TMED2: variants seen among roughly 807,000 people sequenced by gnomAD.
TMED2 encodes the protein transmembrane p24 trafficking protein 2, also known as transmembrane emp24 domain-containing protein 2.
A neutral mutation model predicts 17.5 loss-of-function variants in TMED2; 3 were observed. That is an observed-to-expected ratio of 0.17 (90% CI 0.08 to 0.44). The LOEUF (loss-of-function observed/expected upper bound fraction) is 0.44. Ranked by LOEUF, TMED2 falls within the 20% of genes least tolerant of loss-of-function variation. TMED2 has a pLI of 0.99. For synonymous variants in TMED2, 95 were observed against 91.0 expected, an observed-to-expected ratio of 1.04 and a Z score of -0.25; for missense variants, 149 against 254.8, an observed-to-expected ratio of 0.58 and a Z score of 2.83.
At chr12:123,591,657 C>T (rs967021206) in intron 3 of TMED2, among the ~76,000 whole-genome samples, 3 of 152,196 alleles carry the variant, frequency 2.0e-5, no homozygotes, top group Non-Finnish European at 4.4e-5. Flanking sequence ...TGGCACGCGC[C>T]TGTAGTCCCA....
At chr12:123,590,797 A>G (rs1362284544) in intron 3 of TMED2, among the ~76,000 whole-genome samples, 6 of 152,086 alleles carry the variant, frequency 3.9e-5, no homozygotes, top group Admixed American at 3.3e-4. Flanking sequence ...CAGCCTGGCC[A>G]ACATGGTGAA....
At chr12:123,586,690 A>G (rs1953348443) in intron 1 of TMED2, 57 bp from the exon 2 acceptor site, 1 of 1,439,796 alleles carries the variant, frequency 6.9e-7, no homozygotes, top group Non-Finnish European at 9.4e-7. Context: ...GACATTACTT[A>G]TAAAGTCTAT....
chr12:123,586,873 C>G lies in TMED2; in HGVS notation c.307C>G (p.Pro103Ala). The G allele has an allele frequency of 6.2e-7, 1 of 1,613,448 alleles. No homozygotes were observed. Among genetic ancestry groups the G allele is most frequent in the Non-Finnish European group, 8.5e-7 (1 of 1,179,768 alleles). The change falls in exon 2 of 4, where the codon CCA becomes GCA. Residue 103 changes from proline to alanine, a missense_variant. Transcript: ENST00000262225. ...CFSNRMSTMT[P>A]KIVMFTIDIG... ...TAGTAACCGGATGTCCACCATGACT[C>G]CAAAAATAGTGATGTTCACCATTGA...
chr12:123,584,862 C>T (rs377094971), intron 1 of TMED2, 46 bp downstream of exon 1: 40 of 1,594,476 alleles, frequency 2.5e-5, no homozygotes, highest in Non-Finnish European at 3.2e-5. Context: ...CGTGGCCACT[C>T]GGGGATTGGT....
chr12:123,591,020 T>C (rs1358508762), intron 3 of TMED2, among the ~76,000 whole-genome samples: 2 of 151,220 alleles, frequency 1.3e-5, no homozygotes, highest in Non-Finnish European at 2.9e-5. Context: ...TTTTTAAAAA[T>C]GTATGGTGAG....
At chr12:123,585,109 C>T in intron 1 of TMED2, 1 of 348,406 alleles carries the variant, frequency 2.9e-6, no homozygotes, top group Non-Finnish European at 5.4e-6. Context: ...TCTCGCTGAG[C>T]TTTGTGAATC....
At chr12:123,586,691 T>A in intron 1 of TMED2, 56 bp from the exon 2 acceptor site, 1 of 1,497,366 alleles carries the variant, frequency 6.7e-7, no homozygotes, top group Non-Finnish European at 9.0e-7. Context: ...ACATTACTTA[T>A]AAAGTCTATG....
At chr12:123,584,889 G>A in intron 1 of TMED2, 73 bp downstream of exon 1, 1 of 1,567,904 alleles carries the variant, frequency 6.4e-7, no homozygotes, top group Non-Finnish European at 8.6e-7. Flanking sequence ...TGGGACCGGC[G>A]CGGGGCCTGT....
At position 123,596,587 on chromosome 12, in the gene TMED2, T is replaced by C; in HGVS notation, c.482-18T>C. On this transcript the variant is annotated intron_variant, in intron 3 of 3. Coordinates refer to ENST00000262225, the MANE Select transcript of TMED2 (RefSeq NM_006815.4). ...GGGAGAATTGTTAAATTTTGTTTGT[T>C]TGTTTTGTCCTCAACAGTCAACGAC... The C allele has an allele frequency of 6.3e-7, 1 of 1,580,548 alleles. No homozygotes were observed. The highest frequency in any genetic ancestry group is 8.6e-7 in the Non-Finnish European group (1 of 1,168,612).
rs911231335 is a variant in TMED2 at position 123,598,313 on chromosome 12, T to C, written c.*1584T>C. The stretch of plus-strand genomic sequence containing the variant: ...GTGAATGGTACCAAGTTTTAGTTTC[T>C]GCGTAGGTTTTCCAGTGTGGCTTCT... On this transcript the variant is annotated 3_prime_UTR_variant, in exon 4 of 4. Transcript: ENST00000262225. 1 of 152,228 alleles carries C rather than the reference T, an allele frequency of 6.6e-6. No homozygotes were observed. Among genetic ancestry groups the C allele is most frequent in the Non-Finnish European group, 1.5e-5 (1 of 68,048 alleles). The allele number at this position is 152,228 out of a possible 1,614,324, so 9.4% of individuals were successfully genotyped here.
At chr12:123,589,355 C>T (rs1953374711) in intron 2 of TMED2, among the ~76,000 whole-genome samples, 1 of 152,214 alleles carries the variant, frequency 6.6e-6, no homozygotes, top group African/African-American at 2.4e-5. Flanking sequence ...TTTGGTGCTG[C>T]TCCTGCTTCT....
chr12:123,590,086 C>T (rs574430389), intron 2 of TMED2, among the ~76,000 whole-genome samples: 1 of 151,812 alleles, frequency 6.6e-6, no homozygotes, highest in African/African-American at 2.4e-5. Context: ...AGTTCAAGAC[C>T]AGCCTGACCA....
At chr12:123,591,002 A>AT (rs1226702584) in intron 3 of TMED2, among the ~76,000 whole-genome samples, 1 of 151,830 alleles carries the variant, frequency 6.6e-6, no homozygotes, top group African/African-American at 2.4e-5. Flanking sequence ...AAAAAAAAAA[A>AT]GTTTGGGTTT....
In TMED2 at chr12:123,596,784, G is replaced by A; in HGVS notation, c.*55G>A. On this transcript the variant is annotated 3_prime_UTR_variant, in exon 4 of 4. Transcript: ENST00000262225. ...AATTCACTGTTTACCAAACACCTTGGTCATAATAATGTCATTAGTTTCTCC... is the reference window on the plus strand; with the variant it reads ...AATTCACTGTTTACCAAACACCTTGATCATAATAATGTCATTAGTTTCTCC... 6.6e-7 allele frequency: 1 copy of A among 1,512,622 alleles called. No homozygotes were observed. The highest frequency in any genetic ancestry group is 8.8e-7 in the Non-Finnish European group (1 of 1,130,526). 93.7% of individuals were successfully genotyped at this position (1,512,622 alleles called of 1,614,324 possible).
intron 2 of TMED2, among the ~76,000 whole-genome samples, chr12:123,589,649 G>T (rs1469586786): frequency 6.6e-6 from 1 of 152,132 alleles, no homozygotes; most frequent in Non-Finnish European, 1.5e-5. Flanking sequence ...GAATTAAATT[G>T]ACATGATTCA....
At chr12:123,590,007 G>A (rs1345062215) in intron 2 of TMED2, among the ~76,000 whole-genome samples, 2 of 151,698 alleles carry the variant, frequency 1.3e-5, no homozygotes, top group Non-Finnish European at 2.9e-5. Context: ...AGATGGCTGG[G>A]TGCAGTGGCT....
chr12:123,584,598 G>C lies in TMED2; in HGVS notation c.-39G>C. 6.3e-6 allele frequency: 10 copies of C among 1,590,100 alleles called. No individual in the cohort carries two copies. The highest frequency in any genetic ancestry group is 7.7e-6 in the Non-Finnish European group (9 of 1,172,834). ...CGGCGGCGGCGGCGGCGGCTGTGGA[G>C]GCCGCAGTCCGGGTCCTGGCTTCGG... On this transcript the variant is annotated 5_prime_UTR_variant, in exon 1 of 4. Coordinates refer to ENST00000262225, the MANE Select transcript of TMED2 (RefSeq NM_006815.4).
chr12:123,586,901 T>C lies in TMED2; in HGVS notation c.335T>C (p.Ile112Thr), dbSNP rs566819498. Residue 112 changes from isoleucine to threonine, a missense_variant, in exon 2 of 4, where the codon ATT becomes ACT. Physicochemically the swap from Ile to Thr is moderately conservative, Grantham distance 89 (BLOSUM62 -1). Coordinates refer to ENST00000262225, the MANE Select transcript of TMED2 (RefSeq NM_006815.4). ...TPKIVMFTID[I>T]GEAPKGQDME... ...AAAATAGTGATGTTCACCATTGATA[T>C]TGGGGAGGCTCCAAAAGGACAAGAT... 21 of 1,610,832 alleles carry C rather than the reference T, an allele frequency of 1.3e-5. No individual in the cohort carries two copies. The highest frequency in any genetic ancestry group is 1.7e-4 in the Middle Eastern group (1 of 6,044).
At chr12:123,587,208 G>A (rs1298322214) in intron 2 of TMED2, among the ~76,000 whole-genome samples, 2 of 151,992 alleles carry the variant, frequency 1.3e-5, no homozygotes, top group African/African-American at 2.4e-5. Flanking sequence ...GTTCAGTAGC[G>A]TGATCTTGGC....
Sources: gnomAD v4.1 joint callset for allele counts (sites outside exome capture counted in the v4.1 genomes callset) on GRCh38, gnomAD v4.1.1 for gene constraint, MANE v1.5 for transcripts, NCBI Gene and HGNC (gene_info 2026-07-23, HGNC 2026-07-21) for gene names.